Variants in PLEKHA7 observed in about 807,000 individuals in gnomAD.
The protein encoded by PLEKHA7 is pleckstrin homology domain-containing family A member 7.
In PLEKHA7, 104 loss-of-function variants were observed where a neutral mutation model predicts 170.0. The ratio of observed to expected loss-of-function variants is 0.61; its 90% CI spans 0.52 to 0.72. PLEKHA7 has a LOEUF of 0.72. Among genes scored for constraint, PLEKHA7 ranks in the 30% least tolerant of loss-of-function variants. The pLI, the probability that PLEKHA7 is intolerant of heterozygous loss-of-function variation, is 0.00. For missense variants in PLEKHA7, 1,615 were observed against 1,671.7 expected (o/e 0.97, Z 0.59); for synonymous variants, 648 against 660.8 (o/e 0.98, Z 0.30).
chr11:16,991,447 C>G (rs1864036331), intron 3 of PLEKHA7, among the ~76,000 whole-genome samples: 1 of 151,798 alleles, frequency 6.6e-6, no homozygotes, highest in Admixed American at 6.6e-5. Context: ...AAAAAGAAAG[C>G]AGCACCGAGA....
chr11:16,959,436 A>T (rs1426475141), intron 3 of PLEKHA7, among the ~76,000 whole-genome samples: 9 of 152,212 alleles, frequency 5.9e-5, no homozygotes, highest in African/African-American at 1.9e-4. Flanking sequence ...TGCAGAAAAC[A>T]TGTTTGTAAA....
Position 16,836,817 on chromosome 11 carries a change from G to GT in PLEKHA7, c.872+4729dup, listed in dbSNP as rs377241006. 7.2e-3 allele frequency among the ~76,000 whole-genome samples: 1,055 copies of GT among 146,002 alleles called. 11 individuals are homozygous for GT. The highest frequency in any genetic ancestry group is 0.024 in the African/African-American group (970 of 39,734). On this transcript the variant is annotated intron_variant, in intron 9 of 26. Transcript: ENST00000531066. ...TGGGCTTTTTTTTTTTGTTTTTTCT[G>GT]TTTTTTTTGTTTTGTTTTGTTTTTG...
At chr11:16,829,977 C>CT (rs536727780) in intron 9 of PLEKHA7, among the ~76,000 whole-genome samples, 134 of 146,932 alleles carry the variant, frequency 9.1e-4, no homozygotes, top group East Asian at 2.8e-3. Context: ...GTTGGCCATT[C>CT]TTTTTTTTTT....
At chr11:16,897,930 T>G (rs1027150562) in intron 3 of PLEKHA7, among the ~76,000 whole-genome samples, 23 of 152,106 alleles carry the variant, frequency 1.5e-4, no homozygotes, top group African/African-American at 5.6e-4. Flanking sequence ...CACTACCCAC[T>G]TCCACAGTGT....
At chr11:16,991,534 A>T (rs1253633516) in intron 3 of PLEKHA7, among the ~76,000 whole-genome samples, 1 of 152,076 alleles carries the variant, frequency 6.6e-6, no homozygotes, top group Non-Finnish European at 1.5e-5. Context: ...ACCTGGAGAA[A>T]GTGAGGGAAG....
intron 4 of PLEKHA7, among the ~76,000 whole-genome samples, chr11:16,860,733 G>A (rs1023835388): frequency 1.3e-5 from 2 of 152,154 alleles, no homozygotes; most frequent in African/African-American, 2.4e-5. Context: ...CCCAAGGTCT[G>A]AGAGAAGCAG....
intron 3 of PLEKHA7, among the ~76,000 whole-genome samples, chr11:16,913,241 A>G (rs1464181233): frequency 1.3e-5 from 2 of 151,242 alleles, no homozygotes; most frequent in Non-Finnish European, 3.0e-5. Flanking sequence ...CTCCAGCCAC[A>G]TTTTTTTTTC....
At position 16,967,044 on chromosome 11, in the gene PLEKHA7, G is replaced by C. The variant is rs535739157; in HGVS notation, c.221+46945C>G. On this transcript the variant is annotated intron_variant, in intron 3 of 26. Coordinates refer to ENST00000531066, the MANE Select transcript of PLEKHA7 (RefSeq NM_001329630.2). ...CCTGGAAAGGCCACCGAAGATACGG[G>C]GCCCTTGAAACTCTCCCAGTCAGCA... Among the ~76,000 whole-genome samples, 29 of 152,192 alleles carry C rather than the reference G, an allele frequency of 1.9e-4. 1 individual carries two copies. The South Asian group carries it at 5.8e-3, about 31-fold the overall frequency.
chr11:16,957,863 C>A (rs1242786648), intron 3 of PLEKHA7, among the ~76,000 whole-genome samples: 1 of 151,710 alleles, frequency 6.6e-6, no homozygotes, highest in East Asian at 1.9e-4. Flanking sequence ...ACCACCACGC[C>A]CGGCTAATTT....
At chr11:16,899,249 C>A (rs1353487913) in intron 3 of PLEKHA7, among the ~76,000 whole-genome samples, 1 of 152,194 alleles carries the variant, frequency 6.6e-6, no homozygotes, top group East Asian at 1.9e-4. Context: ...GTAATCCCAA[C>A]ACTTTGGGAG....
intron 13 of PLEKHA7, among the ~76,000 whole-genome samples, chr11:16,808,310 G>C (rs1849129661): frequency 6.6e-6 from 1 of 152,170 alleles, no homozygotes; most frequent in Non-Finnish European, 1.5e-5. Context: ...CTCGTTCATA[G>C]CCAGGGTTAA....
intron 3 of PLEKHA7, among the ~76,000 whole-genome samples, chr11:16,978,515 G>A (rs1425576116): frequency 2.6e-5 from 4 of 152,208 alleles, no homozygotes; most frequent in African/African-American, 7.2e-5. Flanking sequence ...GATGCTGCAC[G>A]TGTGGTTTTC....
At chr11:16,860,179 C>T (rs960882417) in intron 4 of PLEKHA7, among the ~76,000 whole-genome samples, 3 of 152,172 alleles carry the variant, frequency 2.0e-5, no homozygotes, top group Admixed American at 6.5e-5. Flanking sequence ...TGAACTTTGT[C>T]AAGGATGTGT....
chr11:16,813,186 GA>G lies in PLEKHA7; in HGVS notation c.1954-21del, dbSNP rs1302597663. ...ATCAGCCTTCAAATGAAGCAGAGAG[GA>G]AAAAACACAGTTATGAACACCAAGA... On this transcript the variant is annotated intron_variant, in intron 12 of 26. Transcript: ENST00000531066. 6.2e-7 allele frequency: 1 copy of G among 1,608,922 alleles called. No homozygotes were observed. Among genetic ancestry groups the G allele is most frequent in the Non-Finnish European group, 8.5e-7 (1 of 1,175,724 alleles).
intron 12 of PLEKHA7, among the ~76,000 whole-genome samples, chr11:16,814,026 C>G (rs531349056): frequency 6.6e-6 from 1 of 152,130 alleles, no homozygotes; most frequent in Non-Finnish European, 1.5e-5. Context: ...AAGCTAGGGC[C>G]GAGGCAGGTG....
chr11:16,888,331 G>A (rs376407999), intron 3 of PLEKHA7, among the ~76,000 whole-genome samples: 2,455 of 18,102 alleles, frequency 0.14, 59 homozygotes, highest in African/African-American at 0.31. Flanking sequence ...CCGGCACCCC[G>A]TCTGGGAGGT....
chr11:16,857,520 C>T (rs1853566521), intron 4 of PLEKHA7, among the ~76,000 whole-genome samples: 1 of 152,240 alleles, frequency 6.6e-6, no homozygotes, highest in Non-Finnish European at 1.5e-5. Context: ...AAGAGGCGGC[C>T]TTGTCCATCC....
intron 20 of PLEKHA7, 33 bp from the exon 21 acceptor site, chr11:16,790,948 C>T: frequency 1.2e-6 from 2 of 1,613,288 alleles, no homozygotes; most frequent in Non-Finnish European, 1.7e-6. Context: ...TGTGACCTGC[C>T]AGTGTCACAC....
intron 3 of PLEKHA7, among the ~76,000 whole-genome samples, chr11:16,986,673 C>G (rs1362121386): frequency 1.3e-5 from 2 of 152,198 alleles, no homozygotes; most frequent in East Asian, 3.9e-4. Flanking sequence ...GCTGGAGTCC[C>G]AGCTGTCACC....
Sources: gnomAD v4.1 joint callset for allele counts (sites outside exome capture counted in the v4.1 genomes callset) on GRCh38, gnomAD v4.1.1 for gene constraint, MANE v1.5 for transcripts, NCBI Gene and HGNC (gene_info 2026-07-23, HGNC 2026-07-21) for gene names.